The following DGKI variants were observed in gnomAD, a reference collection of about 807,000 sequenced individuals.
DGKI encodes diacylglycerol kinase iota.
Under a neutral mutation model 147.5 loss-of-function variants are expected in DGKI, and 55 were observed. The observed-to-expected ratio is 0.37, with a 90% CI of 0.30 to 0.47. DGKI has a LOEUF of 0.47. Ranked by LOEUF, DGKI falls within the 20% of genes least tolerant of loss-of-function variation. DGKI has a pLI of 1.00. For missense variants in DGKI, 1,007 were observed against 1,323.8 expected, an observed-to-expected ratio of 0.76 and a Z score of 3.71; for synonymous variants, 469 against 477.1, an observed-to-expected ratio of 0.98 and a Z score of 0.22.
At chr7:137,475,153 C>T (rs1018349742) in intron 23 of DGKI, among the ~76,000 whole-genome samples, 5 of 152,132 alleles carry the variant, frequency 3.3e-5, no homozygotes, top group Non-Finnish European at 7.4e-5. Flanking sequence ...TTAGATGGTG[C>T]TACCCCTAAC....
chr7:137,752,851 G>A (rs1585445283), intron 1 of DGKI, among the ~76,000 whole-genome samples: 1 of 152,136 alleles, frequency 6.6e-6, no homozygotes, highest in African/African-American at 2.4e-5. Context: ...CAGTGTCTGA[G>A]GGGTTTTGTC....
intron 28 of DGKI, among the ~76,000 whole-genome samples, chr7:137,429,544 T>A (rs889055390): frequency 2.7e-5 from 4 of 150,876 alleles, no homozygotes; most frequent in African/African-American, 9.7e-5. Flanking sequence ...AAAGACAAAA[T>A]TGACAAATGG....
Position 137,485,409 on chromosome 7 carries a change from A to C in DGKI, c.2338T>G (p.Ser780Ala). Reference sequence around the variant, plus strand: ...ACTCTCTGGGAGCCAGAAGAAACTGACTGTAGGTCCTAATGAGAAAATGAA... The same window carrying C: ...ACTCTCTGGGAGCCAGAAGAAACTGCCTGTAGGTCCTAATGAGAAAATGAA... ...YIDRLQEDLQ[S>A]VSSGSQRVHY... is the part of the protein sequence containing the mutation. Residue 780 changes from serine to alanine, a missense_variant, in exon 23 of 33, where the codon TCA (serine) becomes GCA (alanine). Coordinates refer to ENST00000614521, the MANE Select transcript of DGKI (RefSeq NM_001321708.2). 6.2e-7 allele frequency: 1 copy of C among 1,608,808 alleles called. No individual in the cohort carries two copies. Among genetic ancestry groups the C allele is most frequent in the Non-Finnish European group, 8.5e-7 (1 of 1,177,318 alleles).
At chr7:137,413,265 CAA>C (rs35856159) in intron 28 of DGKI, among the ~76,000 whole-genome samples, 6,385 of 92,642 alleles carry the variant, frequency 0.069, 386 homozygotes, top group African/African-American at 0.21. Context: ...GACTCCATCT[CAA>C]AAAAAAAAAA....
chr7:137,831,211 G>A (rs1313632841), intron 1 of DGKI, among the ~76,000 whole-genome samples: 3 of 152,206 alleles, frequency 2.0e-5, no homozygotes, highest in Non-Finnish European at 4.4e-5. Flanking sequence ...TATTTTATCA[G>A]TTAGACTTTT....
At chr7:137,410,734 G>A (rs185767372) in intron 29 of DGKI, among the ~76,000 whole-genome samples, 8 of 152,318 alleles carry the variant, frequency 5.3e-5, no homozygotes, top group African/African-American at 1.9e-4. Flanking sequence ...AAATTTTCTG[G>A]TGTAGAAATC....
intron 27 of DGKI, among the ~76,000 whole-genome samples, chr7:137,451,932 C>T (rs1813981286): frequency 1.3e-5 from 2 of 152,096 alleles, no homozygotes; most frequent in African/African-American, 4.8e-5. Flanking sequence ...TTGGCCCTTC[C>T]TCAGAATGGC....
chr7:137,603,688 G>C (rs1300610235), intron 10 of DGKI, among the ~76,000 whole-genome samples: 1 of 152,190 alleles, frequency 6.6e-6, no homozygotes, highest in Non-Finnish European at 1.5e-5. Context: ...AGAAGGCGTT[G>C]TAAGTAAAAT....
At chr7:137,468,480 G>A (rs970079349) in intron 24 of DGKI, among the ~76,000 whole-genome samples, 1 of 152,126 alleles carries the variant, frequency 6.6e-6, no homozygotes, top group Non-Finnish European at 1.5e-5. Flanking sequence ...GTTTCTCATT[G>A]CTATGGAATA....
chr7:137,540,444 G>C (rs1302911433), intron 20 of DGKI, among the ~76,000 whole-genome samples: 2 of 152,090 alleles, frequency 1.3e-5, no homozygotes, highest in African/African-American at 4.8e-5. Context: ...AAAATCCTGA[G>C]GATGCTACCA....
At chr7:137,419,779 G>C (rs1002484965) in intron 28 of DGKI, among the ~76,000 whole-genome samples, 7 of 152,116 alleles carry the variant, frequency 4.6e-5, no homozygotes, top group African/African-American at 1.7e-4. Context: ...TAGGCCTAGA[G>C]GACTTTTTCA....
chr7:137,760,116 T>A, intron 1 of DGKI, among the ~76,000 whole-genome samples: 1 of 152,154 alleles, frequency 6.6e-6, no homozygotes, highest in Non-Finnish European at 1.5e-5. Flanking sequence ...CCCTCTTTCT[T>A]TGAATCAGCA....
intron 21 of DGKI, among the ~76,000 whole-genome samples, chr7:137,516,496 T>C (rs947083080): frequency 4.6e-5 from 7 of 152,062 alleles, no homozygotes; most frequent in Admixed American, 4.6e-4. Context: ...TGACGTTTGC[T>C]AGAAAAATAG....
chr7:137,555,251 G>A (rs1483062357), intron 19 of DGKI, among the ~76,000 whole-genome samples: 1 of 151,560 alleles, frequency 6.6e-6, no homozygotes, highest in Non-Finnish European at 1.5e-5. Context: ...AAATGGCCAG[G>A]TGCAGTGTCT....
chr7:137,554,283 A>C (rs1275175857), intron 19 of DGKI, among the ~76,000 whole-genome samples: 3 of 152,214 alleles, frequency 2.0e-5, no homozygotes, highest in Non-Finnish European at 2.9e-5. Flanking sequence ...TTCATGTCTC[A>C]GATTGGTCTA....
chr7:137,651,464 G>A (rs1822023646), intron 5 of DGKI, among the ~76,000 whole-genome samples: 1 of 152,174 alleles, frequency 6.6e-6, no homozygotes, highest in Non-Finnish European at 1.5e-5. Flanking sequence ...ATTTCCTGAG[G>A]TGCATACGAT....
chr7:137,670,772 T>G lies in DGKI; in HGVS notation c.606+7785A>C, dbSNP rs146284718. Among the ~76,000 whole-genome samples, 143 of 152,300 alleles carry G rather than the reference T, an allele frequency of 9.4e-4. No homozygotes were observed. The Middle Eastern group carries it at 0.01, about 11-fold the overall frequency. ...TTATTGCCACACACGTGGTTCCCTC[T>G]GACAGCCTGCACCCAGCTCAGCCAA... On this transcript the variant is annotated intron_variant, in intron 3 of 32. Transcript: ENST00000614521.
chr7:137,661,621 C>T (rs1001513724), intron 3 of DGKI, among the ~76,000 whole-genome samples: 3 of 152,100 alleles, frequency 2.0e-5, no homozygotes, highest in African/African-American at 7.2e-5. Context: ...GGAAGATTCA[C>T]CCCGAGGACT....
rs756539740 is a variant in DGKI at position 137,678,596 on chromosome 7, G to A, written c.567C>T (p.Leu189=). ...GGCAGTTCTCCTCTCCAAGGTAGCA[G>A]AGGTCTCCCGAGACGTTGGTCTCCA... ...LWLETNVSGD[L]CYLGEENCQV... Residue 189 remains leucine, a synonymous_variant, in exon 3 of 33, where the codon CTC becomes CTT. Coordinates refer to ENST00000614521, the MANE Select transcript of DGKI (RefSeq NM_001321708.2). The A allele has an allele frequency of 1.9e-6, 3 of 1,614,012 alleles. No homozygotes were observed. In the African/African-American group the frequency reaches 4.0e-5, roughly 22 times the overall value.
Sources: allele counts gnomAD v4.1 joint callset (sites outside exome capture counted in the v4.1 genomes callset), GRCh38; gene constraint gnomAD v4.1.1; transcripts MANE v1.5; gene names NCBI Gene and HGNC (gene_info 2026-07-23, HGNC 2026-07-21).